RCAN2: variants seen among roughly 807,000 people sequenced by gnomAD.
The protein encoded by RCAN2 is calcipressin-2.
A neutral mutation model predicts 23.6 loss-of-function variants in RCAN2; 9 were observed. The observed-to-expected ratio is 0.38, with a 90% CI of 0.23 to 0.67. The LOEUF (loss-of-function observed/expected upper bound fraction) is 0.67. RCAN2 is among the 30% of genes least tolerant of loss of function. The pLI, the probability that RCAN2 is intolerant of heterozygous loss-of-function variation, is 0.51. For missense variants in RCAN2, 273 were observed against 302.3 expected, an observed-to-expected ratio of 0.90 and a Z score of 0.72; for synonymous variants, 109 against 115.7, an observed-to-expected ratio of 0.94 and a Z score of 0.37.
At chr6:46,276,713 CT>C (rs1165311489) in intron 2 of RCAN2, among the ~76,000 whole-genome samples, 1 of 152,212 alleles carries the variant, frequency 6.6e-6, no homozygotes, top group Admixed American at 6.5e-5. Context: ...TGCAGTCACA[CT>C]TTTTCAACAC....
At chr6:46,419,477 C>T (rs1250176367) in intron 2 of RCAN2, among the ~76,000 whole-genome samples, 2 of 152,108 alleles carry the variant, frequency 1.3e-5, no homozygotes, top group African/African-American at 4.8e-5. Context: ...AGCTTCAAAC[C>T]ACCTGATTTC....
At chr6:46,316,645 T>C (rs951007991) in intron 2 of RCAN2, among the ~76,000 whole-genome samples, 1 of 152,218 alleles carries the variant, frequency 6.6e-6, no homozygotes, top group Non-Finnish European at 1.5e-5. Flanking sequence ...GCCGTGACCA[T>C]AGAAGGCATT....
Position 46,223,055 on chromosome 6 carries a change from AT to A in RCAN2, c.*85del. ...ATCTCAAACAACCAAACACCCAGGAATTTAAAGGCAATTTTTTTTGACAAAC... is the reference window on the plus strand; with the variant it reads ...ATCTCAAACAACCAAACACCCAGGAATTAAAGGCAATTTTTTTTGACAAAC... On this transcript the variant is annotated 3_prime_UTR_variant, in exon 5 of 5. Transcript: ENST00000371374. The A allele has an allele frequency of 6.8e-7, 1 of 1,466,380 alleles. No homozygotes were observed. Among genetic ancestry groups the A allele is most frequent in the Non-Finnish European group, 9.3e-7 (1 of 1,071,654 alleles). 90.8% of individuals were successfully genotyped at this position (1,466,380 alleles called of 1,614,324 possible). A position where few individuals can be genotyped will look rare whatever the true frequency, so the allele number is the denominator to read the frequency against.
chr6:46,419,276 T>C (rs1241315729), intron 2 of RCAN2, among the ~76,000 whole-genome samples: 2 of 152,140 alleles, frequency 1.3e-5, no homozygotes, highest in African/African-American at 4.8e-5. Context: ...CATTTAATAG[T>C]ATACCACTAG....
chr6:46,384,903 T>C (rs769959380), intron 2 of RCAN2, among the ~76,000 whole-genome samples: 3 of 152,170 alleles, frequency 2.0e-5, no homozygotes, highest in Non-Finnish European at 4.4e-5. Flanking sequence ...TGCATCACCA[T>C]GTAGGTACAT....
At chr6:46,339,962 T>C (rs1467360811) in intron 2 of RCAN2, among the ~76,000 whole-genome samples, 1 of 151,788 alleles carries the variant, frequency 6.6e-6, no homozygotes, top group Non-Finnish European at 1.5e-5. Flanking sequence ...ATGAATCCAT[T>C]ACAGCTGCTG....
intron 2 of RCAN2, among the ~76,000 whole-genome samples, chr6:46,412,585 G>T (rs1311579515): frequency 6.6e-6 from 1 of 152,188 alleles, no homozygotes; most frequent in Non-Finnish European, 1.5e-5. Flanking sequence ...GTAGCAATGA[G>T]GAAGGTGAAA....
intron 2 of RCAN2, among the ~76,000 whole-genome samples, chr6:46,255,673 G>A (rs1345456767): frequency 1.3e-5 from 2 of 152,070 alleles, no homozygotes; most frequent in African/African-American, 2.4e-5. Flanking sequence ...CGACTCAGGA[G>A]GACAACAGGA....
intron 2 of RCAN2, among the ~76,000 whole-genome samples, chr6:46,278,293 A>G (rs1301006608): frequency 6.6e-6 from 1 of 152,090 alleles, no homozygotes; most frequent in East Asian, 1.9e-4. Flanking sequence ...GAGTAATACA[A>G]AGAATTCCTA....
At chr6:46,489,539 G>A (rs1300652315) in intron 1 of RCAN2, among the ~76,000 whole-genome samples, 2 of 152,256 alleles carry the variant, frequency 1.3e-5, no homozygotes, top group Admixed American at 6.5e-5. Flanking sequence ...ATGTATGACT[G>A]TCTGCAAATG....
At chr6:46,236,674 G>T (rs941885455) in intron 4 of RCAN2, among the ~76,000 whole-genome samples, 6 of 152,142 alleles carry the variant, frequency 3.9e-5, no homozygotes, top group Admixed American at 3.3e-4. Context: ...GTGATGTCTG[G>T]TATGTACTCA....
chr6:46,461,672 G>A (rs1181670727), intron 1 of RCAN2, among the ~76,000 whole-genome samples: 2 of 150,994 alleles, frequency 1.3e-5, no homozygotes, highest in South Asian at 2.1e-4. Flanking sequence ...CGCAACTTCC[G>A]CCTCCCGGGT....
chr6:46,357,969 T>C (rs1414244312), intron 2 of RCAN2, among the ~76,000 whole-genome samples: 3 of 152,238 alleles, frequency 2.0e-5, no homozygotes, highest in Non-Finnish European at 4.4e-5. Flanking sequence ...CACCAGAGGA[T>C]ACACTGGCTT....
intron 1 of RCAN2, among the ~76,000 whole-genome samples, chr6:46,483,994 A>G (rs892256583): frequency 8.5e-5 from 13 of 152,246 alleles, no homozygotes; most frequent in African/African-American, 3.1e-4. Flanking sequence ...AATCAAATAA[A>G]TAATTTCTTT....
chr6:46,277,886 C>T (rs572877848), intron 2 of RCAN2, among the ~76,000 whole-genome samples: 1 of 152,192 alleles, frequency 6.6e-6, no homozygotes, highest in South Asian at 2.1e-4. Context: ...AGACAAAGTA[C>T]TAAAAGTAGC....
intron 2 of RCAN2, among the ~76,000 whole-genome samples, chr6:46,291,022 G>A (rs1240831670): frequency 6.6e-6 from 1 of 152,176 alleles, no homozygotes; most frequent in Non-Finnish European, 1.5e-5. Flanking sequence ...CAGCAGGCCA[G>A]TCATGACCTT....
At chr6:46,256,993 C>T (rs1348598953) in intron 2 of RCAN2, among the ~76,000 whole-genome samples, 1 of 152,154 alleles carries the variant, frequency 6.6e-6, no homozygotes, top group African/African-American at 2.4e-5. Context: ...GATCTAAAAA[C>T]CAGGCAGAAG....
chr6:46,303,982 T>C (rs1025469762), intron 2 of RCAN2, among the ~76,000 whole-genome samples: 1 of 152,128 alleles, frequency 6.6e-6, no homozygotes, highest in Non-Finnish European at 1.5e-5. Flanking sequence ...TACCAGATCA[T>C]ACAGTAGATA....
intron 2 of RCAN2, among the ~76,000 whole-genome samples, chr6:46,358,741 G>A (rs927864193): frequency 6.6e-6 from 1 of 152,148 alleles, no homozygotes; most frequent in African/African-American, 2.4e-5. Context: ...TGCTAGGGCT[G>A]GTCTTGATCA....
Sources: allele counts gnomAD v4.1 joint callset (sites outside exome capture counted in the v4.1 genomes callset), GRCh38; gene constraint gnomAD v4.1.1; transcripts MANE v1.5; gene names NCBI Gene and HGNC (gene_info 2026-07-23, HGNC 2026-07-21).